Variants in SPIDR observed in about 807,000 individuals in gnomAD.
SPIDR encodes scaffold protein involved in DNA repair.
SPIDR carries 93 observed loss-of-function variants against 104.6 expected under a neutral mutation model. The observed-to-expected ratio is 0.89, with a 90% CI of 0.75 to 1.06. SPIDR has a LOEUF of 1.06. SPIDR is among the 50% of genes least tolerant of loss of function. SPIDR has a pLI of 0.00. For synonymous variants in SPIDR, 431 were observed against 416.9 expected, an observed-to-expected ratio of 1.03 and a Z score of -0.41; for missense variants, 1,154 against 1,111.2, an observed-to-expected ratio of 1.04 and a Z score of -0.55.
intron 14 of SPIDR, among the ~76,000 whole-genome samples, chr8:47,708,027 C>T (rs1000052585): frequency 6.6e-6 from 1 of 152,214 alleles, no homozygotes; most frequent in Non-Finnish European, 1.5e-5. Context: ...GGGCCGGACA[C>T]GGTGGCTTAC....
chr8:47,320,994 A>T (rs1381454885), intron 5 of SPIDR, among the ~76,000 whole-genome samples: 1 of 151,562 alleles, frequency 6.6e-6, no homozygotes, highest in East Asian at 2.0e-4. Flanking sequence ...CAATATCATA[A>T]TGGGCAAAAA....
intron 5 of SPIDR, among the ~76,000 whole-genome samples, chr8:47,364,547 G>C (rs1034207680): frequency 1.3e-5 from 2 of 152,144 alleles, no homozygotes; most frequent in Admixed American, 6.6e-5. Flanking sequence ...TTCGGGGTGC[G>C]CAGTTGTTTA....
At chr8:47,304,006 G>T (rs1179033143) in intron 5 of SPIDR, among the ~76,000 whole-genome samples, 1 of 151,950 alleles carries the variant, frequency 6.6e-6, no homozygotes, top group African/African-American at 2.4e-5. Flanking sequence ...ACATTTAACA[G>T]ATGTATTTGA....
chr8:47,427,277 G>T lies in SPIDR; in HGVS notation c.878-13046G>T, dbSNP rs150159352. Among the ~76,000 whole-genome samples, 19 of 148,306 alleles carry T rather than the reference G, an allele frequency of 1.3e-4. No homozygotes were observed. The East Asian group carries it at 3.7e-3, about 29-fold the overall frequency. ...TAAATTGTCAGAAGCAGTTAACAAG[G>T]ATTACCATTGGAAAAGGGTTGGGAC... On this transcript the variant is annotated intron_variant, in intron 7 of 19. Coordinates refer to ENST00000297423, the MANE Select transcript of SPIDR (RefSeq NM_001080394.4).
At chr8:47,665,111 T>C (rs1163411356) in intron 10 of SPIDR, among the ~76,000 whole-genome samples, 1 of 152,116 alleles carries the variant, frequency 6.6e-6, no homozygotes, top group Non-Finnish European at 1.5e-5. Context: ...TTAAAATTTG[T>C]AACATATTAC....
chr8:47,688,611 A>C (rs962252257), intron 11 of SPIDR: 1 of 152,186 alleles, frequency 6.6e-6, no homozygotes, highest in East Asian at 1.9e-4. Flanking sequence ...TGCATTTACC[A>C]TAGTCTCTTT....
intron 5 of SPIDR, among the ~76,000 whole-genome samples, chr8:47,355,520 A>G (rs1438188104): frequency 6.6e-6 from 1 of 152,192 alleles, no homozygotes; most frequent in Admixed American, 6.5e-5. Context: ...CTGGGAACCT[A>G]TTTGATATCA....
chr8:47,574,386 T>C (rs1283398104), intron 8 of SPIDR, among the ~76,000 whole-genome samples: 1 of 152,220 alleles, frequency 6.6e-6, no homozygotes, highest in Non-Finnish European at 1.5e-5. Flanking sequence ...AATAATATAA[T>C]CTGTTCTTAT....
chr8:47,606,909 G>A (rs1166000801), intron 10 of SPIDR, among the ~76,000 whole-genome samples: 4 of 152,124 alleles, frequency 2.6e-5, no homozygotes, highest in Admixed American at 1.3e-4. Flanking sequence ...TCGCTGTAAC[G>A]GTGGCATATG....
chr8:47,693,608 C>T (rs2078965565), intron 11 of SPIDR, among the ~76,000 whole-genome samples: 1 of 152,162 alleles, frequency 6.6e-6, no homozygotes, highest in Non-Finnish European at 1.5e-5. Flanking sequence ...TGGGATTCCA[C>T]AGAGAACAGA....
At chr8:47,735,082 A>G (rs183046075) in intron 19 of SPIDR, among the ~76,000 whole-genome samples, 3 of 150,474 alleles carry the variant, frequency 2.0e-5, no homozygotes, top group Non-Finnish European at 3.0e-5. Context: ...TTGCTAAAAT[A>G]AATGGGTGTG....
At chr8:47,271,256 TA>T (rs1191091642) in intron 1 of SPIDR, among the ~76,000 whole-genome samples, 1 of 152,210 alleles carries the variant, frequency 6.6e-6, no homozygotes. Context: ...TATGTTTCAT[TA>T]AATTGAGGAA....
At chr8:47,421,075 A>C (rs553338034) in intron 7 of SPIDR, among the ~76,000 whole-genome samples, 1 of 152,114 alleles carries the variant, frequency 6.6e-6, no homozygotes, top group African/African-American at 2.4e-5. Context: ...GGTGAATCTG[A>C]CAATTATGTG....
chr8:47,280,461 TG>T (rs1338024483), intron 2 of SPIDR, among the ~76,000 whole-genome samples: 1 of 151,596 alleles, frequency 6.6e-6, no homozygotes, highest in Non-Finnish European at 1.5e-5. Context: ...GAGGCTATGT[TG>T]GCTCGCTGCA....
intron 10 of SPIDR, among the ~76,000 whole-genome samples, chr8:47,654,317 T>C (rs971306500): frequency 1.3e-5 from 2 of 152,058 alleles, no homozygotes; most frequent in Non-Finnish European, 2.9e-5. Context: ...ACCGTGACAA[T>C]GGGGATGAGG....
intron 8 of SPIDR, among the ~76,000 whole-genome samples, chr8:47,477,273 C>T (rs1418600208): frequency 6.6e-6 from 1 of 152,068 alleles, no homozygotes; most frequent in Non-Finnish European, 1.5e-5. Flanking sequence ...TATCTCAGCT[C>T]ACTGCAACCT....
intron 5 of SPIDR, among the ~76,000 whole-genome samples, chr8:47,296,356 G>T (rs1479439179): frequency 6.6e-6 from 1 of 152,140 alleles, no homozygotes; most frequent in African/African-American, 2.4e-5. Flanking sequence ...GTGTTATGGA[G>T]CATTTTCCCT....
intron 8 of SPIDR, among the ~76,000 whole-genome samples, chr8:47,503,484 G>C (rs981591995): frequency 1.4e-5 from 2 of 147,404 alleles, no homozygotes; most frequent in African/African-American, 5.0e-5. Flanking sequence ...TTTTCCATTT[G>C]CTTGGTAGAT....
At position 47,424,483 on chromosome 8, in the gene SPIDR, T is replaced by A. The variant is rs564510480; in HGVS notation, c.878-15840T>A. Among the ~76,000 whole-genome samples the A allele has an allele frequency of 2.6e-4, 39 of 151,970 alleles. No homozygotes were observed. The South Asian group carries it at 3.1e-3, about 12-fold the overall frequency. On this transcript the variant is annotated intron_variant, in intron 7 of 19. Coordinates refer to ENST00000297423, the MANE Select transcript of SPIDR (RefSeq NM_001080394.4). ...CCACACCCAGCTGTTTAAAAAAAAATTTCTTTTTTTTCTCTACAGAAATGG... is the reference window on the plus strand; with the variant it reads ...CCACACCCAGCTGTTTAAAAAAAAAATTCTTTTTTTTCTCTACAGAAATGG...
Sources: gnomAD v4.1 joint callset for allele counts (sites outside exome capture counted in the v4.1 genomes callset) on GRCh38, gnomAD v4.1.1 for gene constraint, MANE v1.5 for transcripts, NCBI Gene and HGNC (gene_info 2026-07-23, HGNC 2026-07-21) for gene names.